TBL1X: variants seen among roughly 807,000 people sequenced by gnomAD.
The protein encoded by TBL1X is transducin beta like 1 X-linked.
TBL1X carries 10 observed loss-of-function variants against 50.7 expected under a neutral mutation model. The observed-to-expected ratio is 0.20, with a 90% confidence interval of 0.12 to 0.33. The LOEUF (loss-of-function observed/expected upper bound fraction) is 0.33, where lower values mean the gene tolerates loss of function less well. TBL1X is among the 10% of genes least tolerant of loss of function. The probability of loss-of-function intolerance (pLI) is 1.00; values close to 1 mark genes in which losing one functional copy is unlikely to be tolerated. For synonymous variants in TBL1X, 190 were observed against 214.7 expected, an observed-to-expected ratio of 0.88 and a Z score of 1.01; for missense variants, 340 against 504.4, an observed-to-expected ratio of 0.67 and a Z score of 3.12.
chrX:9,515,064 T>C (rs1234389471), intron 2 of TBL1X, among the ~76,000 whole-genome samples: 2 of 111,334 alleles, frequency 1.8e-5, no homozygotes, highest in African/African-American at 3.3e-5. Context: ...CTTTTGTTTT[T>C]GATGCTGAAA....
intron 2 of TBL1X, among the ~76,000 whole-genome samples, chrX:9,511,931 G>C (rs913328078): frequency 9.0e-6 from 1 of 111,382 alleles, no homozygotes; most frequent in East Asian, 2.8e-4. Context: ...CGCGATCTCA[G>C]GTCACTGCAG....
chrX:9,684,223 G>C (rs1402014276), intron 6 of TBL1X, 35 bp downstream of exon 6: 1 of 1,206,545 alleles, frequency 8.3e-7, no homozygotes, highest in Non-Finnish European at 1.1e-6. Flanking sequence ...CCAAACAGCA[G>C]AGCCCTGGGA....
chrX:9,498,156 C>T (rs1418602998), intron 1 of TBL1X, among the ~76,000 whole-genome samples: 6 of 111,658 alleles, frequency 5.4e-5, no homozygotes, highest in African/African-American at 1.6e-4. Flanking sequence ...CTGTCTGGGT[C>T]GCTTCAATAA....
chrX:9,547,649 G>A (rs1353604709), intron 2 of TBL1X, among the ~76,000 whole-genome samples: 7 of 110,193 alleles, frequency 6.4e-5, no homozygotes, highest in African/African-American at 2.3e-4. Context: ...TTCTGGGACC[G>A]GAAGAGGTTT....
chrX:9,674,147 T>C (rs760027743), intron 5 of TBL1X, among the ~76,000 whole-genome samples: 3 of 112,606 alleles, frequency 2.7e-5, no homozygotes, highest in Admixed American at 9.4e-5. Flanking sequence ...ATAATACATA[T>C]ATTTTTAATT....
chrX:9,715,552 A>T (rs2083273165), intron 17 of TBL1X, among the ~76,000 whole-genome samples: 1 of 111,977 alleles, frequency 8.9e-6, no homozygotes, highest in Non-Finnish European at 1.9e-5. Context: ...AACATAGAAA[A>T]GGTTCAGCAG....
At chrX:9,532,381 T>C (rs761544775) in intron 2 of TBL1X, among the ~76,000 whole-genome samples, 103 of 112,131 alleles carry the variant, frequency 9.2e-4, no homozygotes, top group African/African-American at 3.1e-3. Context: ...AGAGGAATTC[T>C]ATCCAAACAC....
intron 2 of TBL1X, among the ~76,000 whole-genome samples, chrX:9,579,820 A>G (rs2082430809): frequency 9.0e-6 from 1 of 110,905 alleles, no homozygotes. Flanking sequence ...CCTGTGCTGG[A>G]TTTTGAATGT....
intron 1 of TBL1X, among the ~76,000 whole-genome samples, chrX:9,491,016 T>C (rs918982215): frequency 6.4e-5 from 7 of 109,609 alleles, no homozygotes; most frequent in Admixed American, 3.0e-4. Flanking sequence ...TCTCACTCTA[T>C]CACCCAGGCT....
intron 2 of TBL1X, among the ~76,000 whole-genome samples, chrX:9,597,086 C>T (rs2082530245): frequency 9.0e-6 from 1 of 110,542 alleles, no homozygotes; most frequent in Non-Finnish European, 1.9e-5. Flanking sequence ...AGAAAAAAGT[C>T]ATGAAAGCCC....
At position 9,640,922 on chromosome X, in the gene TBL1X, C is replaced by T. The variant is rs1468459430; in HGVS notation, c.-43+562C>T. Among the ~76,000 whole-genome samples the T allele has an allele frequency of 9.8e-5, 11 of 112,179 alleles. No individual in the cohort carries two copies. The Admixed American group carries it at 1.0e-3, about 11-fold the overall frequency. Reference sequence around the variant, plus strand: ...CTGGGATTACAAGTGTGAGCCATTGCATCTGGCCTGCCTTCTGAGAATTTT... The same window carrying T: ...CTGGGATTACAAGTGTGAGCCATTGTATCTGGCCTGCCTTCTGAGAATTTT... On this transcript the variant is annotated intron_variant, in intron 3 of 17. Coordinates refer to ENST00000645353, the MANE Select transcript of TBL1X (RefSeq NM_005647.4).
In TBL1X at chrX:9,540,717, C is replaced by A. The variant is rs1201398273; in HGVS notation, c.-131+38868C>A. Reference sequence around the variant, plus strand: ...ACAAGTCTAAATTCAGTGGTTAGGTCAGTATTATATTTTCCTATAGTTTTA... The same window carrying A: ...ACAAGTCTAAATTCAGTGGTTAGGTAAGTATTATATTTTCCTATAGTTTTA... On this transcript the variant is annotated intron_variant, in intron 2 of 17. Transcript: ENST00000645353. 7.2e-5 allele frequency among the ~76,000 whole-genome samples: 8 copies of A among 111,875 alleles called. No individual in the cohort carries two copies. In the Admixed American group the frequency reaches 7.6e-4, roughly 11 times the overall value.
chrX:9,481,966 G>A lies in TBL1X; in HGVS notation c.-201+16519G>A, dbSNP rs1297298851. 2.7e-5 allele frequency among the ~76,000 whole-genome samples: 3 copies of A among 112,311 alleles called. No homozygotes were observed. The East Asian group carries it at 8.3e-4, about 31-fold the overall frequency. On this transcript the variant is annotated intron_variant, in intron 1 of 17. Coordinates refer to ENST00000645353, the MANE Select transcript of TBL1X (RefSeq NM_005647.4). ...TAAAACTTATTTTGCACATAAATTAGTCCTAATGTGATTTGTCTTTAGTAA... is the reference window on the plus strand; with the variant it reads ...TAAAACTTATTTTGCACATAAATTAATCCTAATGTGATTTGTCTTTAGTAA...
At chrX:9,478,819 A>G (rs932983812) in intron 1 of TBL1X, among the ~76,000 whole-genome samples, 42 of 112,353 alleles carry the variant, frequency 3.7e-4, no homozygotes, top group African/African-American at 1.3e-3. Context: ...GATCTTTTAA[A>G]AATTCCTTAC....
chrX:9,713,420 ACTTTT>A (rs2083259709), intron 16 of TBL1X, among the ~76,000 whole-genome samples: 1 of 76,673 alleles, frequency 1.3e-5, no homozygotes, highest in Non-Finnish European at 2.4e-5. Flanking sequence ...AATCCTTAGG[ACTTTT>A]CTTTTTTTTT....
At chrX:9,645,556 C>T (rs2082799911) in intron 3 of TBL1X, among the ~76,000 whole-genome samples, 1 of 111,676 alleles carries the variant, frequency 9.0e-6, no homozygotes, top group Non-Finnish European at 1.9e-5. Context: ...TAAATGGAGG[C>T]GTCACTGCTC....
At chrX:9,559,577 A>C in intron 2 of TBL1X, among the ~76,000 whole-genome samples, 1 of 112,341 alleles carries the variant, frequency 8.9e-6, no homozygotes, top group South Asian at 3.7e-4. Context: ...ATATCAATTT[A>C]GAAAAAGAAA....
intron 2 of TBL1X, among the ~76,000 whole-genome samples, chrX:9,565,361 T>C (rs192797524): frequency 2.5e-4 from 27 of 109,979 alleles, no homozygotes; most frequent in Admixed American, 2.3e-3. Flanking sequence ...ATGTGAAATA[T>C]TGATTTAGCT....
intron 1 of TBL1X, among the ~76,000 whole-genome samples, chrX:9,484,809 C>T (rs1045822177): frequency 1.9e-5 from 2 of 107,333 alleles, no homozygotes; most frequent in Non-Finnish European, 3.8e-5. Flanking sequence ...CATCCAGGCA[C>T]GGTGGCTCAT....
Sources: allele counts gnomAD v4.1 joint callset (sites outside exome capture counted in the v4.1 genomes callset), GRCh38; gene constraint gnomAD v4.1.1; transcripts MANE v1.5; gene names NCBI Gene and HGNC (gene_info 2026-07-23, HGNC 2026-07-21).